RTN4: variants seen among roughly 807,000 people sequenced by gnomAD.
The protein encoded by RTN4 is reticulon 4.
RTN4 carries 32 observed loss-of-function variants against 90.4 expected under a neutral mutation model. That is an observed-to-expected ratio of 0.35 (90% CI 0.27 to 0.48). The LOEUF (loss-of-function observed/expected upper bound fraction) is 0.48, where lower values mean the gene tolerates loss of function less well. Ranked by LOEUF, RTN4 falls within the 20% of genes least tolerant of loss-of-function variation. The pLI, the probability that RTN4 is intolerant of heterozygous loss-of-function variation, is 0.99. For synonymous variants in RTN4, 629 were observed against 552.5 expected (o/e 1.14, Z -1.94); for missense variants, 1,706 against 1,430.2 (o/e 1.19, Z -3.11).
the RTN4 span, among the ~76,000 whole-genome samples, chr2:55,120,323 C>G: frequency 6.6e-6 from 1 of 152,194 alleles, no homozygotes; most frequent in Non-Finnish European, 1.5e-5. Context: ...ATCTCCAGCT[C>G]ACCAGGGTGG....
At chr2:55,106,150 T>C (rs892630976) in intron 1 of RTN4, among the ~76,000 whole-genome samples, 8 of 152,126 alleles carry the variant, frequency 5.3e-5, no homozygotes, top group Non-Finnish European at 1.0e-4. Flanking sequence ...GTTTGTTATA[T>C]AAGCTAGAGA....
At chr2:55,133,941 C>G in the RTN4 span, among the ~76,000 whole-genome samples, 1 of 152,102 alleles carries the variant, frequency 6.6e-6, no homozygotes, top group Non-Finnish European at 1.5e-5. Flanking sequence ...CAAAGCAACC[C>G]CAAAGGCTGC....
intron 1 of RTN4, among the ~76,000 whole-genome samples, chr2:55,080,803 A>G (rs1212504008): frequency 6.6e-6 from 1 of 152,238 alleles, no homozygotes; most frequent in Admixed American, 6.5e-5. Context: ...TTATACATAC[A>G]TAATACATAT....
chr2:55,027,412 A>G lies in RTN4; in HGVS notation c.687T>C (p.Leu229=). 1 of 1,613,710 alleles carries G rather than the reference A, an allele frequency of 6.2e-7. No homozygotes were observed. Residue 229 remains leucine, a synonymous_variant, in exon 3 of 9, where the codon CTT becomes CTC. Coordinates refer to ENST00000337526, the MANE Select transcript of RTN4 (RefSeq NM_020532.5). ...GAGAAGGAAGAGAAGCAGCAGTTTC[A>G]AGCAGGACAGATGGGAAATCCTCTT... ...AGQEDFPSVL[L]ETAASLPSLS...
chr2:55,002,381 T>C (rs1426375396), intron 3 of RTN4, among the ~76,000 whole-genome samples: 1 of 152,154 alleles, frequency 6.6e-6, no homozygotes, highest in African/African-American at 2.4e-5. Flanking sequence ...TTCCTATATT[T>C]CAAGTAGAAA....
At chr2:55,049,641 G>C in intron 1 of RTN4, 104 bp downstream of exon 1, 1 of 1,517,294 alleles carries the variant, frequency 6.6e-7, no homozygotes, top group South Asian at 1.2e-5. Flanking sequence ...CAGACAAAGC[G>C]CCCTCGGGGC....
intron 3 of RTN4, among the ~76,000 whole-genome samples, chr2:55,004,997 G>C (rs1478145574): frequency 6.6e-6 from 1 of 152,094 alleles, no homozygotes; most frequent in East Asian, 1.9e-4. Context: ...TGGGAAGAAA[G>C]GGCCTTCAAG....
At chr2:55,110,263 T>A (rs867808831) in intron 1 of RTN4, among the ~76,000 whole-genome samples, 2 of 149,270 alleles carry the variant, frequency 1.3e-5, no homozygotes, top group South Asian at 4.2e-4. Context: ...GTGAGCCGAG[T>A]TTCTGCCACT....
At chr2:55,099,963 G>T (rs939331509) in intron 1 of RTN4, among the ~76,000 whole-genome samples, 1 of 152,014 alleles carries the variant, frequency 6.6e-6, no homozygotes, top group African/African-American at 2.4e-5. Context: ...CAACTGATAT[G>T]CAACATGGAC....
At chr2:55,030,911 T>C (rs1682265179) in intron 1 of RTN4, among the ~76,000 whole-genome samples, 1 of 152,148 alleles carries the variant, frequency 6.6e-6, no homozygotes, top group African/African-American at 2.4e-5. Flanking sequence ...CATTGATCAA[T>C]TGCTTCTATT....
chr2:54,998,225 G>A (rs1188669789), intron 3 of RTN4, among the ~76,000 whole-genome samples: 1 of 147,040 alleles, frequency 6.8e-6, no homozygotes, highest in African/African-American at 2.5e-5. Context: ...GAGGGTGTGG[G>A]GGGCTTTTTT....
intron 1 of RTN4, among the ~76,000 whole-genome samples, chr2:55,089,632 C>T (rs1339668881): frequency 6.6e-6 from 1 of 152,236 alleles, no homozygotes; most frequent in Non-Finnish European, 1.5e-5. Flanking sequence ...ATGTTGTCAA[C>T]TGCATGTCTA....
At chr2:55,087,609 G>A (rs1668867180) in intron 1 of RTN4, among the ~76,000 whole-genome samples, 1 of 152,042 alleles carries the variant, frequency 6.6e-6, no homozygotes. Flanking sequence ...TGGCCACTCA[G>A]CTTGTTTCCA....
At chr2:55,018,047 A>C (rs796671523) in intron 3 of RTN4, among the ~76,000 whole-genome samples, 4 of 152,218 alleles carry the variant, frequency 2.6e-5, no homozygotes, top group African/African-American at 9.6e-5. Flanking sequence ...CCAATGTCTG[A>C]AACACGGCAG....
chr2:54,978,752 T>G (rs1279039485), intron 5 of RTN4, among the ~76,000 whole-genome samples: 1 of 152,148 alleles, frequency 6.6e-6, no homozygotes, highest in Non-Finnish European at 1.5e-5. Context: ...CCTATAAATT[T>G]TAAAAAACTC....
intron 2 of RTN4, among the ~76,000 whole-genome samples, chr2:55,076,655 A>G (rs1047719197): frequency 6.6e-6 from 1 of 152,006 alleles, no homozygotes; most frequent in Non-Finnish European, 1.5e-5. Context: ...CTGCCTCCCA[A>G]AGTGCTGGGA....
chr2:55,014,729 A>C (rs943105586), intron 3 of RTN4, among the ~76,000 whole-genome samples: 1 of 151,970 alleles, frequency 6.6e-6, no homozygotes, highest in Non-Finnish European at 1.5e-5. Flanking sequence ...GTTGGCCAGG[A>C]TGGTCTGGAT....
At chr2:55,028,110 A>G (rs746860439) in intron 2 of RTN4, 54 bp downstream of exon 2, 33 of 1,489,498 alleles carry the variant, frequency 2.2e-5, no homozygotes, top group Non-Finnish European at 2.8e-5. Flanking sequence ...TTAACACACT[A>G]AAGAGTTAAA....
At chr2:55,057,570 A>G (rs1668211136) in intron 2 of RTN4, among the ~76,000 whole-genome samples, 1 of 152,214 alleles carries the variant, frequency 6.6e-6, no homozygotes, top group Non-Finnish European at 1.5e-5. Context: ...AGGACCTTGA[A>G]AGTCACAAAA....
Sources: gnomAD v4.1 joint callset for allele counts (sites outside exome capture counted in the v4.1 genomes callset) on GRCh38, gnomAD v4.1.1 for gene constraint, MANE v1.5 for transcripts, NCBI Gene and HGNC (gene_info 2026-07-23, HGNC 2026-07-21) for gene names.